MTHFSD: variants seen among roughly 807,000 people sequenced by gnomAD.
The protein encoded by MTHFSD is methenyltetrahydrofolate synthase domain-containing protein.
MTHFSD carries 37 observed loss-of-function variants against 31.1 expected under a neutral mutation model. The observed-to-expected ratio is 1.19, with a 90% CI of 0.91 to 1.56. The LOEUF is 1.56. Ranked by LOEUF, MTHFSD falls within the 40% of genes most tolerant of loss-of-function variation. The probability of loss-of-function intolerance (pLI) is 0.00; values close to 1 mark genes in which losing one functional copy is unlikely to be tolerated. For synonymous variants in MTHFSD, 221 were observed against 206.9 expected (o/e 1.07, Z -0.59); for missense variants, 664 against 510.1 (o/e 1.30, Z -2.91).
rs753286993 is a variant in MTHFSD, at chr16:86,555,164, C to T, written c.16+5G>A. 7 of 1,536,516 alleles carry T rather than the reference C, an allele frequency of 4.6e-6. No individual in the cohort carries two copies. In the African/African-American group the frequency reaches 8.2e-5, roughly 18 times the overall value. On this transcript the variant is annotated splice_donor_5th_base_variant and intron_variant, in intron 1 of 7. Coordinates refer to ENST00000360900, the MANE Select transcript of MTHFSD (RefSeq NM_001159377.2). ...GCCGCCCCGGAGCCCCGCCAGGCCCCCCACCTGCCCTCGGCTCCATGGTGA... is the reference window on the plus strand; with the variant it reads ...GCCGCCCCGGAGCCCCGCCAGGCCCTCCACCTGCCCTCGGCTCCATGGTGA...
chr16:86,555,051 C>A (rs559261650), intron 1 of MTHFSD, 118 bp downstream of exon 1: 1 of 1,472,150 alleles, frequency 6.8e-7, no homozygotes, highest in Non-Finnish European at 9.0e-7. Flanking sequence ...CCTCCTCGGC[C>A]GCTTCCGGTG....
intron 3 of MTHFSD, among the ~76,000 whole-genome samples, chr16:86,550,506 G>C (rs1972982645): frequency 6.6e-6 from 1 of 152,188 alleles, no homozygotes; most frequent in African/African-American, 2.4e-5. Context: ...TCTGGAGTCA[G>C]GTGGCTGAGT....
chr16:86,536,422 C>T (rs1057131443), intron 7 of MTHFSD, among the ~76,000 whole-genome samples: 20 of 152,328 alleles, frequency 1.3e-4, no homozygotes, highest in African/African-American at 4.1e-4. Flanking sequence ...TTCAACGTGG[C>T]TCATGGAAAA....
intron 7 of MTHFSD, among the ~76,000 whole-genome samples, chr16:86,537,477 T>A (rs533596658): frequency 3.3e-5 from 5 of 152,328 alleles, no homozygotes; most frequent in African/African-American, 1.2e-4. Context: ...TCTGAATTTC[T>A]ACATATTTCT....
chr16:86,545,652 G>A (rs1042277392), intron 5 of MTHFSD, among the ~76,000 whole-genome samples: 1 of 152,108 alleles, frequency 6.6e-6, no homozygotes, highest in Non-Finnish European at 1.5e-5. Flanking sequence ...AGGCTGGCAC[G>A]TCCCTCCTCA....
intron 5 of MTHFSD, among the ~76,000 whole-genome samples, chr16:86,545,020 C>T (rs910732454): frequency 6.6e-6 from 1 of 152,106 alleles, no homozygotes; most frequent in African/African-American, 2.4e-5. Flanking sequence ...AACATATGGA[C>T]ACAGGGAGGG....
At chr16:86,533,143 A>C (rs1567526547) in intron 7 of MTHFSD, 1 of 152,258 alleles carries the variant, frequency 6.6e-6, no homozygotes, top group East Asian at 1.9e-4. Flanking sequence ...CTTAAGTCTC[A>C]ATTGTATGCG....
At chr16:86,547,090 T>G in intron 4 of MTHFSD, 1 of 859,566 alleles carries the variant, frequency 1.2e-6, no homozygotes, top group Non-Finnish European at 1.4e-6. Context: ...GTCGGACCAG[T>G]GTTGGAATTA....
intron 7 of MTHFSD, chr16:86,533,766 CAAG>C (rs1241030215): frequency 2.0e-5 from 3 of 152,274 alleles, no homozygotes; most frequent in Non-Finnish European, 2.9e-5. Flanking sequence ...CTCCAAACTA[CAAG>C]AAGTACACAG....
intron 2 of MTHFSD, chr16:86,553,839 G>T (rs756725136): frequency 6.6e-6 from 1 of 152,626 alleles, no homozygotes; most frequent in Non-Finnish European, 1.5e-5. Flanking sequence ...GGGACTTGGA[G>T]AATCTTTATG....
chr16:86,534,025 T>C (rs2143341040), intron 7 of MTHFSD, among the ~76,000 whole-genome samples: 1 of 152,318 alleles, frequency 6.6e-6, no homozygotes, highest in South Asian at 2.1e-4. Flanking sequence ...CCTTGGCAGG[T>C]AGCAGGCACA....
chr16:86,543,700 T>A (rs1288924438), intron 5 of MTHFSD, among the ~76,000 whole-genome samples: 1 of 152,122 alleles, frequency 6.6e-6, no homozygotes, highest in Non-Finnish European at 1.5e-5. Context: ...TATCTATACA[T>A]CTATACCTAA....
At chr16:86,544,255 T>A (rs1971946903) in intron 5 of MTHFSD, among the ~76,000 whole-genome samples, 1 of 152,182 alleles carries the variant, frequency 6.6e-6, no homozygotes, top group Admixed American at 6.5e-5. Context: ...CATATCTGTG[T>A]CTCGGCAAAA....
At chr16:86,541,515 C>T in intron 7 of MTHFSD, 182 bp downstream of exon 7, 2 of 826,454 alleles carry the variant, frequency 2.4e-6, no homozygotes, top group Non-Finnish European at 3.7e-6. Context: ...GATCCATACG[C>T]AGATTCTTAG....
Position 86,541,736 on chromosome 16 carries a change from G to A in MTHFSD, c.642C>T (p.Gly214=). Residue 214 remains glycine (G), a synonymous_variant, in exon 7 of 8, where the codon GGC becomes GGT. Transcript: ENST00000360900. ...TTCCCATTGGCTTTGGGCGCTTGCAGCCTGTGGCGATGACTCTGGTTGGAG... is the reference window on the plus strand; with the variant it reads ...TTCCCATTGGCTTTGGGCGCTTGCAACCTGTGGCGATGACTCTGGTTGGAG... The part of the protein sequence containing the change: ...ILTPTRVIAT[G]CKRPKPMGIT... 1 of 1,614,086 alleles carries A rather than the reference G, an allele frequency of 6.2e-7. No homozygotes were observed. Among genetic ancestry groups the A allele is most frequent in the Non-Finnish European group, 8.5e-7 (1 of 1,180,008 alleles).
chr16:86,553,927 C>T (rs904338126), intron 2 of MTHFSD, among the ~76,000 whole-genome samples: 5 of 152,200 alleles, frequency 3.3e-5, no homozygotes, highest in African/African-American at 1.2e-4. Context: ...AATGGGCACT[C>T]TGTATGTAGC....
At chr16:86,549,697 C>T (rs1018115782) in intron 3 of MTHFSD, among the ~76,000 whole-genome samples, 1 of 152,266 alleles carries the variant, frequency 6.6e-6, no homozygotes, top group African/African-American at 2.4e-5. Context: ...AGACCTCACT[C>T]CAGAGACTGG....
In MTHFSD at chr16:86,532,469, T is replaced by C. The variant is rs758081981; in HGVS notation, c.694A>G (p.Met232Val). ...CTCAGTATGGGGATTTTCTCCATCATCTCCAGGCTGATCTGAAAAGCAAAG... is the reference window on the plus strand; with the variant it reads ...CTCAGTATGGGGATTTTCTCCATCACCTCCAGGCTGATCTGAAAAGCAAAG... ...GITWFKISLE[M>V]MEKIPILRSL... Residue 232 changes from methionine to valine, a missense_variant, in exon 8 of 8, where the codon ATG (methionine) becomes GTG (valine). Met to Val is a conservative substitution (Grantham distance 21, BLOSUM62 1). Coordinates refer to ENST00000360900, the MANE Select transcript of MTHFSD (RefSeq NM_001159377.2). The C allele has an allele frequency of 2.1e-6, 3 of 1,418,230 alleles. No homozygotes were observed. In the South Asian group the frequency reaches 4.7e-5, roughly 22 times the overall value. 87.9% of individuals were successfully genotyped at this position (1,418,230 alleles called of 1,614,324 possible). A position where few individuals can be genotyped will look rare whatever the true frequency, so the allele number is the denominator to read the frequency against.
chr16:86,539,070 G>A (rs1267928708), intron 7 of MTHFSD, among the ~76,000 whole-genome samples: 1 of 152,186 alleles, frequency 6.6e-6, no homozygotes, highest in Non-Finnish European at 1.5e-5. Context: ...GCAGAGTGCT[G>A]GAATGCATTT....
Sources: gnomAD v4.1 joint callset for allele counts (sites outside exome capture counted in the v4.1 genomes callset) on GRCh38, gnomAD v4.1.1 for gene constraint, MANE v1.5 for transcripts, NCBI Gene and HGNC (gene_info 2026-07-23, HGNC 2026-07-21) for gene names.